PRELID2: variants seen among roughly 807,000 people sequenced by gnomAD.
The protein encoded by PRELID2 is PRELI domain containing 2.
Under a neutral mutation model 28.4 loss-of-function variants are expected in PRELID2, and 25 were observed. That is an observed-to-expected ratio of 0.88 (90% CI 0.64 to 1.23). The LOEUF (loss-of-function observed/expected upper bound fraction) is 1.23, where lower values mean the gene tolerates loss of function less well. PRELID2 is among the 50% of genes most tolerant of loss of function. The probability of loss-of-function intolerance (pLI) is 0.00; values close to 1 mark genes in which losing one functional copy is unlikely to be tolerated. For missense variants in PRELID2, 201 were observed against 214.4 expected (o/e 0.94, Z 0.39); for synonymous variants, 76 against 71.6 (o/e 1.06, Z -0.31).
intron 1 of PRELID2, among the ~76,000 whole-genome samples, chr5:145,586,882 C>T (rs1753160709): frequency 6.6e-6 from 1 of 152,112 alleles, no homozygotes; most frequent in Admixed American, 6.6e-5. Context: ...ACCCATTATC[C>T]AGTGTTTCTC....
the PRELID2 span, among the ~76,000 whole-genome samples, chr5:145,378,942 G>C: frequency 5.3e-3 from 803 of 152,140 alleles, 3 homozygotes; most frequent in African/African-American, 0.018. Flanking sequence ...CTTTGAGAGG[G>C]TCAACCTTTG....
chr5:145,530,618 C>G (rs182040008), intron 1 of PRELID2, among the ~76,000 whole-genome samples: 6 of 151,950 alleles, frequency 3.9e-5, no homozygotes, highest in Non-Finnish European at 8.8e-5. Context: ...ACTCTGGTAA[C>G]GAACGCAGGA....
At chr5:145,437,588 G>A in the PRELID2 span, among the ~76,000 whole-genome samples, 106 of 152,146 alleles carry the variant, frequency 7.0e-4, no homozygotes, top group African/African-American at 2.5e-3. Flanking sequence ...TATTTCGTGG[G>A]AGGGATCTTA....
intron 1 of PRELID2, among the ~76,000 whole-genome samples, chr5:145,741,783 T>A (rs1382815369): frequency 5.8e-5 from 2 of 34,728 alleles, no homozygotes; most frequent in Admixed American, 3.2e-4. Flanking sequence ...TAAAATTTAT[T>A]TATAAAGTAT....
At chr5:145,594,374 T>C (rs919914827) in intron 1 of PRELID2, among the ~76,000 whole-genome samples, 2 of 152,168 alleles carry the variant, frequency 1.3e-5, no homozygotes, top group African/African-American at 4.8e-5. Flanking sequence ...ATCTAGTCCA[T>C]GACACATTAA....
intron 1 of PRELID2, among the ~76,000 whole-genome samples, chr5:145,497,321 C>T (rs1752317818): frequency 6.6e-6 from 1 of 152,120 alleles, no homozygotes; most frequent in Admixed American, 6.6e-5. Context: ...GCTTGAAATC[C>T]TCATAGTAGG....
chr5:145,417,551 G>C, the PRELID2 span, among the ~76,000 whole-genome samples: 1 of 152,136 alleles, frequency 6.6e-6, no homozygotes, highest in Non-Finnish European at 1.5e-5. Context: ...TATCCACCAT[G>C]ATCAAGTTGG....
intron 1 of PRELID2, among the ~76,000 whole-genome samples, chr5:145,828,494 A>T (rs1755354795): frequency 6.6e-6 from 1 of 152,134 alleles, no homozygotes; most frequent in African/African-American, 2.4e-5. Flanking sequence ...CTAATAAAAA[A>T]CTCAGAAGCT....
At chr5:145,325,281 A>G in the PRELID2 span, among the ~76,000 whole-genome samples, 1 of 152,146 alleles carries the variant, frequency 6.6e-6, no homozygotes, top group African/African-American at 2.4e-5. Flanking sequence ...AATTCCATAG[A>G]GAGGAAGAAA....
At chr5:145,385,671 A>C in the PRELID2 span, among the ~76,000 whole-genome samples, 1 of 152,208 alleles carries the variant, frequency 6.6e-6, no homozygotes, top group Admixed American at 6.5e-5. Context: ...CTATAAGTAC[A>C]GATAGCACCA....
chr5:145,651,447 T>G (rs952304868), intron 1 of PRELID2, among the ~76,000 whole-genome samples: 9 of 152,174 alleles, frequency 5.9e-5, no homozygotes, highest in African/African-American at 1.9e-4. Flanking sequence ...CTGAGAACAG[T>G]CAGACTGCCT....
At chr5:145,342,029 C>T in the PRELID2 span, among the ~76,000 whole-genome samples, 1 of 152,154 alleles carries the variant, frequency 6.6e-6, no homozygotes, top group South Asian at 2.1e-4. Flanking sequence ...TAGTCACCTA[C>T]AAAGGAAATT....
intron 1 of PRELID2, among the ~76,000 whole-genome samples, chr5:145,829,347 A>C (rs1755431906): frequency 6.6e-6 from 1 of 151,554 alleles, no homozygotes; most frequent in Non-Finnish European, 1.5e-5. Context: ...CTCCTTTATT[A>C]CTCTAAGTTA....
At chr5:145,777,771 C>T (rs1186677149) in intron 5 of PRELID2, among the ~76,000 whole-genome samples, 1 of 152,164 alleles carries the variant, frequency 6.6e-6, no homozygotes, top group Admixed American at 6.5e-5. Context: ...ACAGCTGCAA[C>T]CGCCCAAAGC....
At chr5:145,417,776 C>G in the PRELID2 span, among the ~76,000 whole-genome samples, 1 of 152,054 alleles carries the variant, frequency 6.6e-6, no homozygotes. Flanking sequence ...CACGATAAAT[C>G]CACAGCCATT....
intron 1 of PRELID2, among the ~76,000 whole-genome samples, chr5:145,597,710 T>TA (rs1313247995): frequency 6.6e-6 from 1 of 152,174 alleles, no homozygotes; most frequent in East Asian, 1.9e-4. Flanking sequence ...ATCAATCAAA[T>TA]AATAATCACT....
At chr5:145,353,586 G>A in the PRELID2 span, among the ~76,000 whole-genome samples, 4 of 152,182 alleles carry the variant, frequency 2.6e-5, no homozygotes, top group Non-Finnish European at 4.4e-5. Context: ...AATCATGGTG[G>A]AAGGGGAAGC....
At chr5:145,323,233 G>A in the PRELID2 span, among the ~76,000 whole-genome samples, 96,269 of 151,726 alleles carry the variant, frequency 0.63, 30,735 homozygotes, top group South Asian at 0.86. Flanking sequence ...GCATGGCAGG[G>A]GACCTGAAAG....
the PRELID2 span, among the ~76,000 whole-genome samples, chr5:145,320,432 G>T: frequency 1.3e-5 from 2 of 152,054 alleles, no homozygotes; most frequent in Admixed American, 6.5e-5. Context: ...CACTACGCCC[G>T]GCTAATTTTT....
Sources: gnomAD v4.1 joint callset for allele counts (sites outside exome capture counted in the v4.1 genomes callset) on GRCh38, gnomAD v4.1.1 for gene constraint, MANE v1.5 for transcripts, NCBI Gene and HGNC (gene_info 2026-07-23, HGNC 2026-07-21) for gene names.